PIK3C2G: variants seen among roughly 807,000 people sequenced by gnomAD.
PIK3C2G encodes phosphatidylinositol-4-phosphate 3-kinase catalytic subunit type 2 gamma.
PIK3C2G carries 168 observed loss-of-function variants against 181.1 expected under a neutral mutation model. That is an observed-to-expected ratio of 0.93 (90% CI 0.82 to 1.05). The LOEUF (loss-of-function observed/expected upper bound fraction) is 1.05. Among genes scored for constraint, PIK3C2G ranks in the 50% least tolerant of loss-of-function variants. PIK3C2G has a pLI of 0.00. For synonymous variants in PIK3C2G, 573 were observed against 592.2 expected (o/e 0.97, Z 0.47); for missense variants, 1,869 against 1,732.8 (o/e 1.08, Z -1.40).
the PIK3C2G span, chr12:18,712,833 T>C: frequency 1.1e-5 from 17 of 1,613,250 alleles, no homozygotes; most frequent in African/African-American, 1.6e-4. Flanking sequence ...AACAAAGATA[T>C]GTACATACCA....
the PIK3C2G span, chr12:18,694,862 A>G: frequency 7.2e-7 from 1 of 1,381,250 alleles, no homozygotes; most frequent in Non-Finnish European, 1.0e-6. Flanking sequence ...TACACTATCT[A>G]GTTTATATAA....
downstream of PIK3C2G, among the ~76,000 whole-genome samples, chr12:18,650,700 G>GTATA (rs1950438410): frequency 1.1e-4 from 5 of 43,840 alleles, no homozygotes; most frequent in African/African-American, 2.8e-4. Context: ...GTGTGTGTGT[G>GTATA]TGTGTATATA....
chr12:18,527,470 CTT>C (rs2136203521), intron 24 of PIK3C2G, among the ~76,000 whole-genome samples: 1 of 152,244 alleles, frequency 6.6e-6, no homozygotes, highest in African/African-American at 2.4e-5. Flanking sequence ...TTACAGCTAA[CTT>C]AGGCTGTTCT....
At chr12:18,712,897 G>T in the PIK3C2G span, 3 of 1,613,962 alleles carry the variant, frequency 1.9e-6, no homozygotes, top group Non-Finnish European at 2.5e-6. Context: ...AAGTTTGCTT[G>T]TGAGTGTGTA....
At chr12:18,620,321 C>T (rs1948796278) in intron 31 of PIK3C2G, among the ~76,000 whole-genome samples, 1 of 152,102 alleles carries the variant, frequency 6.6e-6, no homozygotes, top group South Asian at 2.1e-4. Flanking sequence ...ACCCTGTCAT[C>T]ATTATAAAAT....
At chr12:18,681,488 G>A in the PIK3C2G span, among the ~76,000 whole-genome samples, 29 of 152,098 alleles carry the variant, frequency 1.9e-4, no homozygotes, top group East Asian at 5.8e-4. Context: ...CTAAATGTGA[G>A]AACATTCCCT....
the PIK3C2G span, chr12:18,684,124 C>G: frequency 6.2e-7 from 1 of 1,610,962 alleles, no homozygotes; most frequent in Admixed American, 1.7e-5. Context: ...CTTTTAGGGA[C>G]ATTACCTTTG....
intron 20 of PIK3C2G, among the ~76,000 whole-genome samples, chr12:18,495,120 G>A (rs1434707251): frequency 6.6e-6 from 1 of 152,066 alleles, no homozygotes; most frequent in Non-Finnish European, 1.5e-5. Context: ...CAGACTTCTT[G>A]TAGATAACGT....
intron 18 of PIK3C2G, among the ~76,000 whole-genome samples, chr12:18,487,225 T>C (rs1029018162): frequency 2.0e-5 from 3 of 151,906 alleles, no homozygotes; most frequent in Admixed American, 1.3e-4. Flanking sequence ...GAAGACAAGT[T>C]GGCTTCTAAT....
At chr12:18,468,108 G>T (rs1042381535) in intron 18 of PIK3C2G, among the ~76,000 whole-genome samples, 1 of 151,962 alleles carries the variant, frequency 6.6e-6, no homozygotes. Context: ...CTCAAGTTTT[G>T]TAAAGAGGTG....
the PIK3C2G span, among the ~76,000 whole-genome samples, chr12:18,679,558 G>A: frequency 1.3e-5 from 2 of 151,924 alleles, no homozygotes; most frequent in African/African-American, 4.8e-5. Flanking sequence ...CATAGGCAAT[G>A]TTTATAATGC....
chr12:18,646,520 C>T (rs1950140737), intron 32 of PIK3C2G, among the ~76,000 whole-genome samples: 1 of 152,046 alleles, frequency 6.6e-6, no homozygotes, highest in South Asian at 2.1e-4. Flanking sequence ...TCATTGATAA[C>T]GTAATGAAAG....
chr12:18,509,765 C>A (rs1487813450), intron 24 of PIK3C2G, among the ~76,000 whole-genome samples: 4 of 152,154 alleles, frequency 2.6e-5, no homozygotes, highest in Non-Finnish European at 4.4e-5. Context: ...TCACATCCTG[C>A]ATATAAACAA....
the PIK3C2G span, among the ~76,000 whole-genome samples, chr12:18,658,458 C>T: frequency 6.6e-6 from 1 of 152,056 alleles, no homozygotes; most frequent in Admixed American, 6.6e-5. Flanking sequence ...AGTCATTATG[C>T]ACAAGAAATC....
chr12:18,436,632 G>C (rs916431605), intron 18 of PIK3C2G, among the ~76,000 whole-genome samples: 1 of 151,906 alleles, frequency 6.6e-6, no homozygotes, highest in Non-Finnish European at 1.5e-5. Flanking sequence ...CCACATACAT[G>C]TGTATTGCCT....
At chr12:18,287,900 G>C (rs374716704) in intron 3 of PIK3C2G, among the ~76,000 whole-genome samples, 1 of 151,414 alleles carries the variant, frequency 6.6e-6, no homozygotes, top group African/African-American at 2.4e-5. Context: ...GGTGGCTCAC[G>C]CCTGTAATCC....
chr12:18,243,837 GA>G (rs1244076682), upstream of PIK3C2G, among the ~76,000 whole-genome samples: 21 of 151,370 alleles, frequency 1.4e-4, no homozygotes, highest in East Asian at 3.9e-3. Flanking sequence ...AAATACAACA[GA>G]AAAAAAACAG....
chr12:18,379,453 T>C (rs1260306899), intron 13 of PIK3C2G, among the ~76,000 whole-genome samples: 1 of 151,916 alleles, frequency 6.6e-6, no homozygotes, highest in Non-Finnish European at 1.5e-5. Flanking sequence ...ACATGGCACA[T>C]GTATACATAA....
chr12:18,429,236 G>C (rs1159990138), intron 18 of PIK3C2G, among the ~76,000 whole-genome samples: 1 of 152,122 alleles, frequency 6.6e-6, no homozygotes, highest in Non-Finnish European at 1.5e-5. Context: ...GGAATGCCTA[G>C]AGCTACCATA....
Sources: gnomAD v4.1 joint callset for allele counts (sites outside exome capture counted in the v4.1 genomes callset) on GRCh38, gnomAD v4.1.1 for gene constraint, MANE v1.5 for transcripts, NCBI Gene and HGNC (gene_info 2026-07-23, HGNC 2026-07-21) for gene names.